Variants in NNAT observed in about 807,000 individuals in gnomAD.
The protein encoded by NNAT is neuronatin.
NNAT carries 8 observed loss-of-function variants against 12.7 expected under a neutral mutation model. That is an observed-to-expected ratio of 0.63 (90% CI 0.37 to 1.14). The LOEUF (loss-of-function observed/expected upper bound fraction) is 1.14, where lower values mean the gene tolerates loss of function less well. Among genes scored for constraint, NNAT ranks in the 50% most tolerant of loss-of-function variants. The pLI is 0.01. For synonymous variants in NNAT, 52 were observed against 48.5 expected (o/e 1.07, Z -0.30); for missense variants, 94 against 108.3 (o/e 0.87, Z 0.59).
In NNAT at chr20:37,522,745, C is replaced by T. The variant is rs770007216; in HGVS notation, c.232C>T (p.Arg78Ter). Residue 78 changes from arginine to a stop codon, truncating the protein, a stop_gained, in exon 3 of 3, where the codon CGA (arginine) becomes TGA (stop). Transcript: ENST00000649451. LOFTEE classifies it high-confidence loss of function. ...GRQVLGERRQ[R>*]APN The stretch of plus-strand genomic sequence containing the variant: ...GCAGGTGTTGGGGGAGCGCAGGCAG[C>T]GAGCCCCCAACTGAGGCCCCAGCTC... The T allele has an allele frequency of 1.9e-6, 3 of 1,605,152 alleles. No individual in the cohort carries two copies. The highest frequency in any genetic ancestry group is 2.5e-6 in the Non-Finnish European group (3 of 1,176,560).
Position 37,521,537 on chromosome 20 carries a change from G to A in NNAT, c.72+134G>A, listed in dbSNP as rs569063414. On this transcript the variant is annotated intron_variant, in intron 1 of 2. Transcript: ENST00000649451. The surrounding 1 kb of genome is among the most constrained non-coding windows in gnomAD (Gnocchi z 4.5). Reference sequence around the variant, plus strand: ...CGCGATCCTTGCCTGCCCAAGTGCCGCTGCCGGCACCGCGCGCCCCCTGCC... The same window carrying A: ...CGCGATCCTTGCCTGCCCAAGTGCCACTGCCGGCACCGCGCGCCCCCTGCC... 3.1e-5 allele frequency: 28 copies of A among 912,330 alleles called. No individual in the cohort carries two copies. In the African/African-American group the frequency reaches 3.3e-4, roughly 11 times the overall value. The allele number at this position is 912,330 out of a possible 1,614,324, so 56.5% of individuals were successfully genotyped here. A position where few individuals can be genotyped will look rare whatever the true frequency, so the allele number is the denominator to read the frequency against.
In NNAT at chr20:37,521,429, G is replaced by A. The variant is rs754099189; in HGVS notation, c.72+26G>A. The A allele has an allele frequency of 1.9e-6, 3 of 1,612,232 alleles. No homozygotes were observed. In the South Asian group the frequency reaches 3.3e-5, roughly 18 times the overall value. On this transcript the variant is annotated intron_variant, in intron 1 of 2. Coordinates refer to ENST00000649451, the MANE Select transcript of NNAT (RefSeq NM_005386.4). The surrounding 1 kb of genome is among the most constrained non-coding windows in gnomAD (Gnocchi z 4.5). ...GTAAGTCTGACGGGGTTTCGGGTGG[G>A]AGAGGGTTCCCAACTCGCGCCCCTA...
At position 37,521,402 on chromosome 20, in the gene NNAT, A is replaced by C. The variant is rs1401437529; in HGVS notation, c.71A>C (p.Gln24Pro). ...TGGTACATCTTCCGCGTGCTGCTGCAGGTAAGTCTGACGGGGTTTCGGGTG... is the reference window on the plus strand; with the variant it reads ...TGGTACATCTTCCGCGTGCTGCTGCCGGTAAGTCTGACGGGGTTTCGGGTG... ...IGWYIFRVLL[Q>P]VFLECCIYWV... The change falls in exon 1 of 3, where the codon CAG becomes CCG. Residue 24 changes from glutamine (Q) to proline (P), a missense_variant and splice_region_variant. Coordinates refer to ENST00000649451, the MANE Select transcript of NNAT (RefSeq NM_005386.4). The surrounding 1 kb of genome is among the most constrained non-coding windows in gnomAD (Gnocchi z 4.5). The C allele has an allele frequency of 1.2e-6, 2 of 1,614,082 alleles. No homozygotes were observed. The highest frequency in any genetic ancestry group is 1.7e-6 in the Non-Finnish European group (2 of 1,179,956).
rs368840293 is a variant in NNAT at position 37,522,724 on chromosome 20, G to A, written c.211G>A (p.Val71Met). Residue 71 changes from valine (V) to methionine (M), a missense_variant, in exon 3 of 3, where the codon GTG (valine) becomes ATG (methionine). Val to Met is a conservative substitution (Grantham distance 21). Transcript: ENST00000649451. ...CACGGTGTCGCGGACCGGGCGGCAG[G>A]TGTTGGGGGAGCGCAGGCAGCGAGC... ...AYTVSRTGRQ[V>M]LGERRQRAPN 6.2e-7 allele frequency: 1 copy of A among 1,611,360 alleles called. No homozygotes were observed. Among genetic ancestry groups the A allele is most frequent in the Admixed American group, 1.7e-5 (1 of 59,918 alleles).
chr20:37,522,676 TA>T lies in NNAT; in HGVS notation c.164del (p.Tyr55SerfsTer77). 6.2e-7 allele frequency: 1 copy of T among 1,611,416 alleles called. No individual in the cohort carries two copies. Among genetic ancestry groups the T allele is most frequent in the Admixed American group, 1.7e-5 (1 of 59,904 alleles). The part of the protein sequence containing the change: ...QPIARSEVFR[Y>X]SLQKLAYTVS... ...GGGTTTCTCGTCGCAGGTGTTCAGG[TA>T]CTCCCTGCAGAAGCTGGCATACACG... On this transcript the variant is annotated frameshift_variant, in exon 3 of 3. Transcript: ENST00000649451. LOFTEE classifies it high-confidence loss of function.
chr20:37,522,321 G>A (rs770914666), intron 1 of NNAT, 37 bp from the exon 2 acceptor site: 8 of 1,578,042 alleles, frequency 5.1e-6, no homozygotes, highest in South Asian at 1.1e-5. Flanking sequence ...CCTGCTAAAG[G>A]AATCCTTTGC....
At position 37,523,084 on chromosome 20, in the gene NNAT, C is replaced by A; in HGVS notation, c.*325C>A. On this transcript the variant is annotated 3_prime_UTR_variant, in exon 3 of 3. Coordinates refer to ENST00000649451, the MANE Select transcript of NNAT (RefSeq NM_005386.4). ...TGGACAAAGTCGGGACAGCACCATC[C>A]CAGCCCCGAAGCCAGGGCCATGCCA... 1 of 281,630 alleles carries A rather than the reference C, an allele frequency of 3.6e-6. No homozygotes were observed. The highest frequency in any genetic ancestry group is 6.6e-6 in the Non-Finnish European group (1 of 151,134). 17.4% of individuals were successfully genotyped at this position (281,630 alleles called of 1,614,324 possible).
In NNAT at chr20:37,523,101, G is replaced by A; in HGVS notation, c.*342G>A. 1 of 251,218 alleles carries A rather than the reference G, an allele frequency of 4.0e-6. No individual in the cohort carries two copies. The highest frequency in any genetic ancestry group is 7.6e-5 in the East Asian group (1 of 13,182). The allele number at this position is 251,218 out of a possible 1,614,324, so 15.6% of individuals were successfully genotyped here. A position where few individuals can be genotyped will look rare whatever the true frequency, so the allele number is the denominator to read the frequency against. On this transcript the variant is annotated 3_prime_UTR_variant, in exon 3 of 3. Coordinates refer to ENST00000649451, the MANE Select transcript of NNAT (RefSeq NM_005386.4). ...GCACCATCCCAGCCCCGAAGCCAGG[G>A]CCATGCCAGCAGGCCCCACCATGGA...
In NNAT at chr20:37,522,343, C is replaced by T. The variant is rs774214122; in HGVS notation, c.73-15C>T. ...AAGGAATCCTTTGCCAAAGGAATCG[C>T]ATATTTCCTTCAAGGTGTTCCTGGA... On this transcript the variant is annotated splice_polypyrimidine_tract_variant and intron_variant, in intron 1 of 2. Coordinates refer to ENST00000649451, the MANE Select transcript of NNAT (RefSeq NM_005386.4). 1.2e-6 allele frequency: 2 copies of T among 1,610,690 alleles called. No homozygotes were observed. Among genetic ancestry groups the T allele is most frequent in the Non-Finnish European group, 1.7e-6 (2 of 1,177,120 alleles).
rs1336514656 is a variant in NNAT at position 37,521,284 on chromosome 20, T to A, written c.-48T>A. ...AACAGCGGACTCCGAGACCAGCGGATCTCGGCAAACCCTCTTTCTCGACCA... is the reference window on the plus strand; with the variant it reads ...AACAGCGGACTCCGAGACCAGCGGAACTCGGCAAACCCTCTTTCTCGACCA... On this transcript the variant is annotated 5_prime_UTR_variant, in exon 1 of 3. Coordinates refer to ENST00000649451, the MANE Select transcript of NNAT (RefSeq NM_005386.4). The surrounding 1 kb of genome is among the most constrained non-coding windows in gnomAD (Gnocchi z 4.5). 6.3e-7 allele frequency: 1 copy of A among 1,596,590 alleles called. No individual in the cohort carries two copies. Among genetic ancestry groups the A allele is most frequent in the Admixed American group, 1.7e-5 (1 of 59,948 alleles).
At chr20:37,522,464 A>G in intron 2 of NNAT, 26 bp downstream of exon 2, 2 of 1,600,290 alleles carry the variant, frequency 1.2e-6, no homozygotes, top group Non-Finnish European at 1.7e-6. Context: ...GGGTCCAATC[A>G]GCTTGCCGCC....
In NNAT at chr20:37,523,084, C is replaced by T. The variant is rs966994629; in HGVS notation, c.*325C>T. 7 of 281,512 alleles carry T rather than the reference C, an allele frequency of 2.5e-5. No homozygotes were observed. The highest frequency in any genetic ancestry group is 4.0e-5 in the Non-Finnish European group (6 of 151,142). The allele number at this position is 281,512 out of a possible 1,614,324, so 17.4% of individuals were successfully genotyped here. On this transcript the variant is annotated 3_prime_UTR_variant, in exon 3 of 3. Transcript: ENST00000649451. ...TGGACAAAGTCGGGACAGCACCATC[C>T]CAGCCCCGAAGCCAGGGCCATGCCA...
intron 2 of NNAT, 69 bp from the exon 3 acceptor site, chr20:37,522,598 G>GGGGGGGGGGGCCC: frequency 1.2e-6 from 1 of 864,288 alleles, no homozygotes; most frequent in East Asian, 4.6e-5. Context: ...GCGGGGGTGG[G>GGGGGGGGGGGCCC]CACGGCAGCA....
rs1203745752 is a variant in NNAT, at chr20:37,522,952, C to G, written c.*193C>G. On this transcript the variant is annotated 3_prime_UTR_variant, in exon 3 of 3. Transcript: ENST00000649451. ...CGACAATGACGAAGATACCAGATCC[C>G]TTCCCAACCCCTTTGCACCGGTCCC... 5.3e-6 allele frequency: 3 copies of G among 570,018 alleles called. No individual in the cohort carries two copies. Among genetic ancestry groups the G allele is most frequent in the Non-Finnish European group, 9.4e-6 (3 of 320,678 alleles). 35.3% of individuals were successfully genotyped at this position (570,018 alleles called of 1,614,324 possible).
rs1220610835 is a variant in NNAT, at chr20:37,522,370, T to A, written c.85T>A (p.Cys29Ser). Residue 29 changes from cysteine (C) to serine (S), a missense_variant, in exon 2 of 3, where the codon TGC becomes AGC. Coordinates refer to ENST00000649451, the MANE Select transcript of NNAT (RefSeq NM_005386.4). The part of the protein sequence containing the change: ...FRVLLQVFLE[C>S]CIYWVGFAFR... ...TATTTCCTTCAAGGTGTTCCTGGAA[T>A]GCTGCATTTACTGGGTAGGATTCGC... 2.5e-6 allele frequency: 4 copies of A among 1,613,990 alleles called. No individual in the cohort carries two copies. In the South Asian group the frequency reaches 4.4e-5, roughly 18 times the overall value.
chr20:37,522,198 TA>T (rs5841264), intron 1 of NNAT, among the ~76,000 whole-genome samples, 159 bp from the exon 2 acceptor site: 29 of 144,988 alleles, frequency 2.0e-4, no homozygotes, highest in African/African-American at 5.6e-4. Context: ...AAAATAATAA[TA>T]AAAAAAATAA....
At chr20:37,522,278 T>C (rs2071612593) in intron 1 of NNAT, 80 bp from the exon 2 acceptor site, 35 of 1,139,024 alleles carry the variant, frequency 3.1e-5, no homozygotes, top group Non-Finnish European at 4.4e-5. Context: ...ATAAAATCAT[T>C]TACCCTAAAA....
Position 37,521,555 on chromosome 20 carries a change from C to T in NNAT, c.72+152C>T. ...AAGTGCCGCTGCCGGCACCGCGCGC[C>T]CCCTGCCCATTCCCTGCGCCGTCCT... On this transcript the variant is annotated intron_variant, in intron 1 of 2. Transcript: ENST00000649451. This position sits in a 1 kb window ranked among gnomAD's most constrained non-coding sequence, Gnocchi z 4.5. 1 of 757,748 alleles carries T rather than the reference C, an allele frequency of 1.3e-6. No homozygotes were observed. Among genetic ancestry groups the T allele is most frequent in the Non-Finnish European group, 2.2e-6 (1 of 451,808 alleles). 46.9% of individuals were successfully genotyped at this position (757,748 alleles called of 1,614,324 possible). A position where few individuals can be genotyped will look rare whatever the true frequency, so the allele number is the denominator to read the frequency against.
At chr20:37,522,180 C>CAAAA (rs34619095) in intron 1 of NNAT, among the ~76,000 whole-genome samples, 178 bp from the exon 2 acceptor site, 15 of 104,764 alleles carry the variant, frequency 1.4e-4, no homozygotes, top group African/African-American at 4.4e-4. Flanking sequence ...AATTGCTTTA[C>CAAAA]AAAAAAAAAA....
Sources: allele counts gnomAD v4.1 joint callset (sites outside exome capture counted in the v4.1 genomes callset), GRCh38; gene constraint gnomAD v4.1.1; non-coding constraint Gnocchi (gnomAD v3.1); transcripts MANE v1.5; gene names NCBI Gene and HGNC (gene_info 2026-07-23, HGNC 2026-07-21).